Variants in CLEC3A observed in about 807,000 individuals in gnomAD.
CLEC3A encodes C-type lectin domain family 3 member A.
A neutral mutation model predicts 20.4 loss-of-function variants in CLEC3A; 28 were observed. That is an observed-to-expected ratio of 1.37 (90% confidence interval 1.02 to 1.88). The LOEUF is 1.88. Among genes scored for constraint, CLEC3A ranks in the 40% most tolerant of loss-of-function variants. The pLI is 0.00. For synonymous variants in CLEC3A, 110 were observed against 88.1 expected (o/e 1.25, Z -1.39); for missense variants, 357 against 240.4 (o/e 1.48, Z -3.21).
At chr16:78,029,512 G>C (rs1386526726) in intron 2 of CLEC3A, among the ~76,000 whole-genome samples, 3 of 151,966 alleles carry the variant, frequency 2.0e-5, no homozygotes, top group Non-Finnish European at 2.9e-5. Flanking sequence ...GGGATTATAG[G>C]CACACACCAC....
In CLEC3A at chr16:78,030,429, C is replaced by A. The variant is rs1435654539; in HGVS notation, c.200-18C>A. On this transcript the variant is annotated intron_variant, in intron 2 of 2. Transcript: ENST00000299642. ...ACTCAAAATGCATCTTAATATGTTACACTTCACATCTTCACAGTCTGTCTC... is the reference window on the plus strand; with the variant it reads ...ACTCAAAATGCATCTTAATATGTTAAACTTCACATCTTCACAGTCTGTCTC... The A allele has an allele frequency of 6.4e-7, 1 of 1,570,056 alleles. No homozygotes were observed. Among genetic ancestry groups the A allele is most frequent in the South Asian group, 1.2e-5 (1 of 83,364 alleles).
rs549167524 is a variant in CLEC3A at position 78,031,716 on chromosome 16, T to A, written c.*875T>A. ...TTTTTTACATTTTCGTATACTTATT[T>A]TTTTTAGCCATCATTATATGTTTAA... On this transcript the variant is annotated 3_prime_UTR_variant, in exon 3 of 3. Transcript: ENST00000299642. 6.6e-6 allele frequency: 1 copy of A among 152,324 alleles called. No homozygotes were observed. Among genetic ancestry groups the A allele is most frequent in the East Asian group, 1.9e-4 (1 of 5,172 alleles). The allele number at this position is 152,324 out of a possible 1,614,324, so 9.4% of individuals were successfully genotyped here.
chr16:78,027,902 C>A (rs185542014), intron 1 of CLEC3A, among the ~76,000 whole-genome samples: 1 of 152,216 alleles, frequency 6.6e-6, no homozygotes. Context: ...GTGGTCCACC[C>A]GCCTTGGCCT....
chr16:78,028,042 T>G (rs1442993264), intron 1 of CLEC3A, 65 bp from the exon 2 acceptor site: 13 of 1,138,522 alleles, frequency 1.1e-5, no homozygotes, highest in Non-Finnish European at 1.7e-5. Context: ...ATTCCAAAGC[T>G]TGATTTTATT....
intron 1 of CLEC3A, among the ~76,000 whole-genome samples, chr16:78,023,935 T>G (rs573968757): frequency 6.6e-6 from 1 of 152,048 alleles, no homozygotes; most frequent in South Asian, 2.1e-4. Flanking sequence ...TTTTTTGTAT[T>G]TTTAGTAGAG....
At chr16:78,026,489 G>C (rs2029926317) in intron 1 of CLEC3A, among the ~76,000 whole-genome samples, 1 of 152,164 alleles carries the variant, frequency 6.6e-6, no homozygotes, top group African/African-American at 2.4e-5. Context: ...AACAGGCCTG[G>C]AGCTGGGCAA....
chr16:78,028,116 G>A lies in CLEC3A; in HGVS notation c.125G>A (p.Gly42Glu), dbSNP rs1231775428. The change falls in exon 2 of 3, where the codon GGA becomes GAA. Residue 42 changes from glycine (G) to glutamate (E), a missense_variant. By Grantham distance (98) the Gly-to-Glu change is moderately conservative. Coordinates refer to ENST00000299642, the MANE Select transcript of CLEC3A (RefSeq NM_005752.6). ...CTAAAATTTTCCCCAGACAAGGATG[G>A]AGATCTGAAGACTCAAATTGAAAAG... is the stretch of plus-strand genomic sequence containing the variant. ...HSKRRVRDKDGDLKTQIEKLW... is the reference protein window; with the variant it reads ...HSKRRVRDKDEDLKTQIEKLW... The A allele has an allele frequency of 6.2e-7, 1 of 1,608,936 alleles. No individual in the cohort carries two copies. Among genetic ancestry groups the A allele is most frequent in the Non-Finnish European group, 8.5e-7 (1 of 1,178,840 alleles).
chr16:78,026,590 C>A (rs1468691800), intron 1 of CLEC3A, among the ~76,000 whole-genome samples: 1 of 152,190 alleles, frequency 6.6e-6, no homozygotes, highest in East Asian at 1.9e-4. Context: ...AGAATGGAGA[C>A]AATGATTGTG....
intron 1 of CLEC3A, among the ~76,000 whole-genome samples, chr16:78,023,518 G>T (rs564461156): frequency 2.0e-5 from 3 of 151,790 alleles, no homozygotes; most frequent in African/African-American, 4.8e-5. Context: ...CAAGACAGAG[G>T]GTCATGTTTT....
chr16:78,028,801 C>A (rs2030000721), intron 2 of CLEC3A, among the ~76,000 whole-genome samples: 1 of 152,204 alleles, frequency 6.6e-6, no homozygotes, highest in African/African-American at 2.4e-5. Flanking sequence ...TCACAAGAGA[C>A]CTGCCTCATT....
chr16:78,022,700 C>A lies in CLEC3A; in HGVS notation c.74C>A (p.Ser25Tyr). 6.2e-7 allele frequency: 1 copy of A among 1,614,158 alleles called. No individual in the cohort carries two copies. Among genetic ancestry groups the A allele is most frequent in the Non-Finnish European group, 8.5e-7 (1 of 1,180,048 alleles). Residue 25 changes from serine (S) to tyrosine (Y), a missense_variant, in exon 1 of 3, where the codon TCC (serine) becomes TAC (tyrosine). By Grantham distance (144) the Ser-to-Tyr change is moderately radical. Coordinates refer to ENST00000299642, the MANE Select transcript of CLEC3A (RefSeq NM_005752.6). ...CTGGACCAGACCACCAGCCACACATCCAGATTAAAAGCCAGGAAGCACAGC... is the reference window on the plus strand; with the variant it reads ...CTGGACCAGACCACCAGCCACACATACAGATTAAAAGCCAGGAAGCACAGC... ...LLLDQTTSHT[S>Y]RLKARKHSKR...
chr16:78,028,571 G>C (rs1447903744), intron 2 of CLEC3A, among the ~76,000 whole-genome samples: 1 of 152,230 alleles, frequency 6.6e-6, no homozygotes, highest in Non-Finnish European at 1.5e-5. Context: ...CTAAGATGCT[G>C]GAAGGACATG....
At chr16:78,025,266 G>A (rs1268229321) in intron 1 of CLEC3A, among the ~76,000 whole-genome samples, 1 of 152,166 alleles carries the variant, frequency 6.6e-6, no homozygotes, top group Non-Finnish European at 1.5e-5. Flanking sequence ...TTTAACAGCT[G>A]CATAATATTC....
At chr16:78,024,638 C>T (rs951801730) in intron 1 of CLEC3A, among the ~76,000 whole-genome samples, 8 of 152,080 alleles carry the variant, frequency 5.3e-5, no homozygotes, top group African/African-American at 1.2e-4. Context: ...AAACCTAAAC[C>T]GATCAAGCAA....
At chr16:78,030,047 G>A (rs1279157617) in intron 2 of CLEC3A, among the ~76,000 whole-genome samples, 2 of 151,576 alleles carry the variant, frequency 1.3e-5, no homozygotes, top group East Asian at 2.0e-4. Context: ...CAGCTACTCG[G>A]GAGCCTGAGA....
Position 78,022,744 on chromosome 16 carries a change from A to C in CLEC3A, c.115+3A>C. On this transcript the variant is annotated splice_donor_region_variant and intron_variant, in intron 1 of 2. Transcript: ENST00000299642. ...GCACAGCAAACGTCGAGTGAGAGGTAATGGGGCTTCTCAATCAAGCAAAAT... is the reference window on the plus strand; with the variant it reads ...GCACAGCAAACGTCGAGTGAGAGGTCATGGGGCTTCTCAATCAAGCAAAAT... The C allele has an allele frequency of 6.2e-7, 1 of 1,613,824 alleles. No individual in the cohort carries two copies. The highest frequency in any genetic ancestry group is 8.5e-7 in the Non-Finnish European group (1 of 1,179,968).
chr16:78,030,792 C>G lies in CLEC3A; in HGVS notation c.545C>G (p.Ala182Gly), dbSNP rs773625539. 15 of 1,613,900 alleles carry G rather than the reference C, an allele frequency of 9.3e-6. No homozygotes were observed. The highest frequency in any genetic ancestry group is 1.3e-5 in the Non-Finnish European group (15 of 1,179,994). ...QSAQGKWSDE[A>G]CRSSKRYICE... ...GCTCAGGGCAAGTGGAGTGATGAGG[C>G]CTGTCGCAGCAGCAAGAGATACATA... Residue 182 changes from alanine to glycine, a missense_variant, in exon 3 of 3, where the codon GCC becomes GGC. Physicochemically the swap from Ala to Gly is moderately conservative, Grantham distance 60. Coordinates refer to ENST00000299642, the MANE Select transcript of CLEC3A (RefSeq NM_005752.6).
chr16:78,030,614 C>A lies in CLEC3A; in HGVS notation c.367C>A (p.Pro123Thr), dbSNP rs768580704. 1 of 1,614,094 alleles carries A rather than the reference C, an allele frequency of 6.2e-7. No homozygotes were observed. ...CCAAGACTATGGTAAAAGGAGCCTG[C>A]CAGGTGTCAATGACTTTTGGCTGGG... ...ALQDYGKRSL[P>T]GVNDFWLGIN... Residue 123 changes from proline (P) to threonine (T), a missense_variant, in exon 3 of 3, where the codon CCA (proline) becomes ACA (threonine). Transcript: ENST00000299642.
chr16:78,025,078 G>A lies in CLEC3A; in HGVS notation c.115+2337G>A, dbSNP rs866041330. On this transcript the variant is annotated intron_variant, in intron 1 of 2. Transcript: ENST00000299642. Reference sequence around the variant, plus strand: ...CTCAAACTCCTGACCTCAGGTGATGGGATTGCAGGCATGAGCCATCATACC... The same window carrying A: ...CTCAAACTCCTGACCTCAGGTGATGAGATTGCAGGCATGAGCCATCATACC... Among the ~76,000 whole-genome samples, 9 of 152,236 alleles carry A rather than the reference G, an allele frequency of 5.9e-5. No individual in the cohort carries two copies. The South Asian group carries it at 1.2e-3, about 21-fold the overall frequency.
Sources: allele counts gnomAD v4.1 joint callset (sites outside exome capture counted in the v4.1 genomes callset), GRCh38; gene constraint gnomAD v4.1.1; transcripts MANE v1.5; gene names NCBI Gene and HGNC (gene_info 2026-07-23, HGNC 2026-07-21).